The following RTTN variants were observed in gnomAD, a reference collection of about 807,000 sequenced individuals.
The protein encoded by RTTN is rotatin.
Under a neutral mutation model 269.2 loss-of-function variants are expected in RTTN, and 182 were observed. The observed-to-expected ratio is 0.68, with a 90% confidence interval of 0.60 to 0.76. The LOEUF is 0.76. Ranked by LOEUF, RTTN falls within the 30% of genes least tolerant of loss-of-function variation. RTTN has a pLI of 0.00. For missense variants in RTTN, 2,545 were observed against 2,608.6 expected (o/e 0.98, Z 0.53); for synonymous variants, 1,006 against 963.5 (o/e 1.04, Z -0.82).
intron 28 of RTTN, among the ~76,000 whole-genome samples, chr18:70,103,153 C>T (rs2059220928): frequency 6.6e-6 from 1 of 151,942 alleles, no homozygotes; most frequent in African/African-American, 2.4e-5. Context: ...ATCGCCTCTG[C>T]CTGGCCGCCT....
At chr18:70,019,472 T>C (rs1030060041) in intron 45 of RTTN, 4 of 152,172 alleles carry the variant, frequency 2.6e-5, no homozygotes, top group Non-Finnish European at 2.9e-5. Context: ...TGAATACATA[T>C]ATGAAGAAAA....
rs548352651 is a variant in RTTN at position 70,101,228 on chromosome 18, C to T, written c.3903+8270G>A. Among the ~76,000 whole-genome samples the T allele has an allele frequency of 2.4e-4, 37 of 152,242 alleles. 1 individual carries two copies. The highest frequency in any genetic ancestry group is 7.0e-4 in the African/African-American group (29 of 41,548). ...TCCTGGACTTTTTTTGGTTGGTAGG[C>T]TAATAATTATTGCCTCAATTTCAGA... On this transcript the variant is annotated intron_variant, in intron 28 of 48. Coordinates refer to ENST00000640769, the MANE Select transcript of RTTN (RefSeq NM_173630.4).
chr18:70,111,176 C>T (rs1305850290), intron 27 of RTTN, among the ~76,000 whole-genome samples: 2 of 152,230 alleles, frequency 1.3e-5, no homozygotes. Flanking sequence ...CTGAAGAGAG[C>T]AGTGGACCTC....
At chr18:70,074,028 C>T in intron 33 of RTTN, 34 bp from the exon 34 acceptor site, 2 of 1,384,638 alleles carry the variant, frequency 1.4e-6, no homozygotes, top group South Asian at 1.2e-5. Flanking sequence ...ACATGGACAC[C>T]CTCCTAGGAA....
chr18:70,188,347 T>C (rs1256309695), intron 9 of RTTN, 124 bp from the exon 10 acceptor site: 9 of 626,736 alleles, frequency 1.4e-5, no homozygotes, highest in Non-Finnish European at 2.6e-5. Context: ...TTTTTTCTAA[T>C]GTTCTTAGAA....
chr18:70,038,945 A>T (rs1453983639), intron 40 of RTTN, among the ~76,000 whole-genome samples: 11 of 152,212 alleles, frequency 7.2e-5, no homozygotes, highest in Admixed American at 7.2e-4. Flanking sequence ...ATACTGACAA[A>T]TACATCAGTC....
chr18:70,166,769 T>C, intron 13 of RTTN, 150 bp downstream of exon 13: 4 of 592,570 alleles, frequency 6.8e-6, no homozygotes, highest in Admixed American at 3.1e-5. Context: ...GCTGTACATA[T>C]ACCCTTTAAA....
intron 42 of RTTN, 96 bp from the exon 43 acceptor site, chr18:70,028,897 G>T: frequency 2.6e-6 from 2 of 764,352 alleles, no homozygotes; most frequent in Non-Finnish European, 2.2e-6. Context: ...ACGGGACAAT[G>T]CAGGTGTGCT....
In RTTN at chr18:70,197,672, CATG is replaced by C. The variant is rs748536084; in HGVS notation, c.642_644del (p.Ile214del). The C allele has an allele frequency of 6.2e-7, 1 of 1,613,912 alleles. No homozygotes were observed. The highest frequency in any genetic ancestry group is 8.5e-7 in the Non-Finnish European group (1 of 1,179,826). On this transcript the variant is annotated inframe_deletion, in exon 6 of 49. Transcript: ENST00000640769. ...GGAAAATCTCAGCAGGAAAATCTTG[CATG>C]ATAACATCCTTCAATAGTTCACAGG... is the stretch of plus-strand genomic sequence containing the variant.
intron 18 of RTTN, among the ~76,000 whole-genome samples, chr18:70,144,702 C>T (rs1248173896): frequency 6.6e-6 from 1 of 151,970 alleles, no homozygotes; most frequent in Non-Finnish European, 1.5e-5. Flanking sequence ...GAAGACTCTC[C>T]AATCCCCCTG....
chr18:70,109,529 A>C lies in RTTN; in HGVS notation c.3872T>G (p.Ile1291Ser), dbSNP rs768583953. Residue 1291 changes from isoleucine (I) to serine (S), a missense_variant, in exon 28 of 49, where the codon ATC (isoleucine) becomes AGC (serine). Physicochemically the swap from Ile to Ser is moderately radical, Grantham distance 142. Transcript: ENST00000640769. ...SHSPLTKPLD[I>S]CVKYLSGLLE... is the part of the protein sequence containing the mutation. The stretch of plus-strand genomic sequence containing the variant: ...GAGACCTGACAAGTACTTCACACAG[A>C]TATCTAGAGGCTTTGTGAGAGGAGA... The C allele has an allele frequency of 3.1e-6, 5 of 1,614,004 alleles. No homozygotes were observed. The highest frequency in any genetic ancestry group is 2.2e-5 in the South Asian group (2 of 91,078).
chr18:70,038,484 T>A (rs2057243144), intron 40 of RTTN, among the ~76,000 whole-genome samples: 1 of 152,192 alleles, frequency 6.6e-6, no homozygotes, highest in Non-Finnish European at 1.5e-5. Flanking sequence ...TCTGGAGAAT[T>A]CTTCCAGATC....
intron 39 of RTTN, among the ~76,000 whole-genome samples, chr18:70,048,997 C>T (rs1002190774): frequency 6.6e-6 from 1 of 152,062 alleles, no homozygotes; most frequent in African/African-American, 2.4e-5. Context: ...TTACATAAAA[C>T]TGTACACATA....
chr18:70,128,859 A>G (rs1229593961), intron 23 of RTTN: 1 of 220,180 alleles, frequency 4.5e-6, no homozygotes, highest in Admixed American at 5.0e-5. Context: ...ACCAAACATA[A>G]AAGGTGTTCA....
chr18:70,193,325 T>G lies in RTTN; in HGVS notation c.970A>C (p.Arg324=), dbSNP rs201546232. 1 of 1,611,604 alleles carries G rather than the reference T, an allele frequency of 6.2e-7. No homozygotes were observed. The highest frequency in any genetic ancestry group is 1.3e-5 in the African/African-American group (1 of 74,730). The change falls in exon 8 of 49, where the codon AGA becomes CGA. Residue 324 remains arginine (R), a synonymous_variant. Transcript: ENST00000640769. ...GCATCCCAGTCCTGGCCATCTCCTCTGGGTCGCTGGCCTGTGCGCCCAACC... is the reference window on the plus strand; with the variant it reads ...GCATCCCAGTCCTGGCCATCTCCTCGGGGTCGCTGGCCTGTGCGCCCAACC... ...SVVGRTGQRP[R]GDGQDWDAAS...
At chr18:70,024,662 C>A in intron 44 of RTTN, 60 bp downstream of exon 44, 1 of 1,459,916 alleles carries the variant, frequency 6.8e-7, no homozygotes, top group Non-Finnish European at 9.5e-7. Flanking sequence ...TCCACCTTAA[C>A]AACATTTATA....
intron 47 of RTTN, 47 bp from the exon 48 acceptor site, chr18:70,005,314 T>C: frequency 1.4e-6 from 2 of 1,381,162 alleles, no homozygotes; most frequent in Non-Finnish European, 2.1e-6. Flanking sequence ...TTATGGATCA[T>C]GATAGCAAAA....
At chr18:70,036,032 TAAG>T (rs1254107006) in intron 40 of RTTN, among the ~76,000 whole-genome samples, 1 of 152,100 alleles carries the variant, frequency 6.6e-6, no homozygotes, top group Non-Finnish European at 1.5e-5. Context: ...GAATGGCTAC[TAAG>T]AAGTCAAAAA....
intron 10 of RTTN, among the ~76,000 whole-genome samples, chr18:70,180,490 GA>G (rs2061398818): frequency 6.6e-6 from 1 of 151,198 alleles, no homozygotes. Context: ...GCTGAGGCAC[GA>G]AAATTGCTTC....
Sources: gnomAD v4.1 joint callset for allele counts (sites outside exome capture counted in the v4.1 genomes callset) on GRCh38, gnomAD v4.1.1 for gene constraint, MANE v1.5 for transcripts, NCBI Gene and HGNC (gene_info 2026-07-23, HGNC 2026-07-21) for gene names.